Variants in CENPI observed in about 807,000 individuals in gnomAD.
The protein encoded by CENPI is centromere protein I, also known as FSH primary response 1.
CENPI carries 4 observed loss-of-function variants against 60.4 expected under a neutral mutation model. The ratio of observed to expected loss-of-function variants is 0.07; its 90% confidence interval spans 0.03 to 0.15. CENPI has a LOEUF of 0.15. Among genes scored for constraint, CENPI ranks in the 10% least tolerant of loss-of-function variants. The pLI is 1.00. For synonymous variants in CENPI, 157 were observed against 189.4 expected, an observed-to-expected ratio of 0.83 and a Z score of 1.40; for missense variants, 444 against 534.5, an observed-to-expected ratio of 0.83 and a Z score of 1.67.
At chrX:101,153,718 T>C (rs1293292813) in intron 20 of CENPI, among the ~76,000 whole-genome samples, 9 of 112,482 alleles carry the variant, frequency 8.0e-5, no homozygotes, top group Middle Eastern at 9.3e-3. Context: ...GTGGGTTGTC[T>C]TCACTTTTTT....
downstream of CENPI, among the ~76,000 whole-genome samples, chrX:101,169,546 T>C (rs1368502848): frequency 2.7e-5 from 3 of 112,641 alleles, no homozygotes; most frequent in Admixed American, 9.4e-5. Flanking sequence ...CAGCAGATTA[T>C]ACTTGATGAG....
intron 20 of CENPI, among the ~76,000 whole-genome samples, chrX:101,158,984 G>A (rs2090080190): frequency 9.0e-6 from 1 of 110,910 alleles, no homozygotes; most frequent in Non-Finnish European, 1.9e-5. Context: ...GAAGAGGCTC[G>A]AGTGGAAACA....
intron 20 of CENPI, among the ~76,000 whole-genome samples, chrX:101,151,299 A>G (rs1232708247): frequency 9.8e-5 from 11 of 111,707 alleles, no homozygotes; most frequent in African/African-American, 3.6e-4. Context: ...CTGTGCTCTG[A>G]ATTTAATTAC....
At chrX:101,123,153 G>A (rs905379799) in intron 8 of CENPI, among the ~76,000 whole-genome samples, 3 of 111,849 alleles carry the variant, frequency 2.7e-5, no homozygotes, top group African/African-American at 9.7e-5. Context: ...AACCAAGAAG[G>A]CATAGCTATG....
At chrX:101,110,562 G>C (rs2089543329) in intron 6 of CENPI, among the ~76,000 whole-genome samples, 1 of 112,283 alleles carries the variant, frequency 8.9e-6, no homozygotes, top group South Asian at 3.7e-4. Flanking sequence ...ACCATCAGTA[G>C]TTCACAGACC....
intron 6 of CENPI, among the ~76,000 whole-genome samples, chrX:101,115,229 G>T (rs763210448): frequency 2.7e-3 from 294 of 109,307 alleles, no homozygotes; most frequent in Admixed American, 4.8e-3. Context: ...CTCCCAAAGT[G>T]TTAGTATTAC....
At chrX:101,127,429 G>A in intron 10 of CENPI, 69 bp from the exon 11 acceptor site, 1 of 994,976 alleles carries the variant, frequency 1.0e-6, no homozygotes, top group Non-Finnish European at 1.4e-6. Context: ...CACCTTACCA[G>A]TTGCTTTTAT....
In CENPI at chrX:101,147,742, T is replaced by C. The variant is rs769399226; in HGVS notation, c.1827-21T>C. The C allele has an allele frequency of 3.4e-6, 4 of 1,168,052 alleles. No homozygotes were observed. The Admixed American group carries it at 9.1e-5, about 27-fold the overall frequency. On this transcript the variant is annotated intron_variant, in intron 18 of 21. Transcript: ENST00000682095. ...TTCAAAGGCATGTTAAATGTTTCATTCTGTTTGTTTTTTCTGTTAGATATC... is the reference window on the plus strand; with the variant it reads ...TTCAAAGGCATGTTAAATGTTTCATCCTGTTTGTTTTTTCTGTTAGATATC...
chrX:101,122,972 G>A (rs1206632647), intron 8 of CENPI, among the ~76,000 whole-genome samples: 1 of 112,507 alleles, frequency 8.9e-6, no homozygotes, highest in Non-Finnish European at 1.9e-5. Flanking sequence ...TGAGATGATT[G>A]TCTAAAAATT....
downstream of CENPI, among the ~76,000 whole-genome samples, chrX:101,169,222 G>A (rs979972267): frequency 9.0e-6 from 1 of 111,721 alleles, no homozygotes; most frequent in Non-Finnish European, 1.9e-5. Context: ...GAGAGAAGGG[G>A]ACAGAAAAAA....
At chrX:101,137,001 C>T (rs1299341536) in intron 15 of CENPI, among the ~76,000 whole-genome samples, 1 of 111,161 alleles carries the variant, frequency 9.0e-6, no homozygotes, top group African/African-American at 3.3e-5. Flanking sequence ...TAACCTTGAA[C>T]TCCTGGTCTC....
intron 20 of CENPI, among the ~76,000 whole-genome samples, chrX:101,158,342 A>G (rs1242884195): frequency 2.0e-5 from 2 of 99,469 alleles, no homozygotes; most frequent in Non-Finnish European, 4.0e-5. Flanking sequence ...CAATGGCGCA[A>G]TCTCCGCTCA....
intron 20 of CENPI, among the ~76,000 whole-genome samples, chrX:101,156,148 G>T (rs1462223036): frequency 9.0e-6 from 1 of 110,770 alleles, no homozygotes; most frequent in African/African-American, 3.3e-5. Context: ...GAGTAGCTGG[G>T]ATTACAGGCA....
At position 101,146,103 on chromosome X, in the gene CENPI, G is replaced by A. The variant is rs769222512; in HGVS notation, c.1702-50G>A. The A allele has an allele frequency of 4.5e-6, 5 of 1,101,497 alleles. No individual in the cohort carries two copies. In the South Asian group the frequency reaches 1.1e-4, roughly 24 times the overall value. 90.8% of individuals were successfully genotyped at this position (1,101,497 alleles called of 1,213,427 possible). ...TGATTCTTTGGGTGAACTTAGTTGA[G>A]GAGTTCTGGGGAATACTCTGTATAC... On this transcript the variant is annotated intron_variant, in intron 17 of 21. Coordinates refer to ENST00000682095, the MANE Select transcript of CENPI (RefSeq NM_001386188.2).
At chrX:101,115,402 G>C (rs1010566216) in intron 6 of CENPI, among the ~76,000 whole-genome samples, 2 of 109,205 alleles carry the variant, frequency 1.8e-5, no homozygotes, top group South Asian at 7.8e-4. Context: ...GCGAGACTCT[G>C]TCTCAAAAAA....
At position 101,164,923 on chromosome X, in the gene CENPI, C is replaced by T. The variant is rs765785237; in HGVS notation, c.*1956C>T. On this transcript the variant is annotated 3_prime_UTR_variant, in exon 22 of 22. Coordinates refer to ENST00000682095, the MANE Select transcript of CENPI (RefSeq NM_001386188.2). Reference sequence around the variant, plus strand: ...CTTTAGATAAGATGGTTTGGGAAAGCCTGTTTGAAGAGATGACATATGCAG... The same window carrying T: ...CTTTAGATAAGATGGTTTGGGAAAGTCTGTTTGAAGAGATGACATATGCAG... Among the ~76,000 whole-genome samples, 1 of 111,749 alleles carries T rather than the reference C, an allele frequency of 8.9e-6. No individual in the cohort carries two copies. The highest frequency in any genetic ancestry group is 1.9e-5 in the Non-Finnish European group (1 of 53,191).
At chrX:101,154,871 G>C (rs2090039334) in intron 20 of CENPI, among the ~76,000 whole-genome samples, 1 of 111,119 alleles carries the variant, frequency 9.0e-6, no homozygotes, top group Non-Finnish European at 1.9e-5. Flanking sequence ...ATTGCTTATT[G>C]CTATTATATA....
chrX:101,099,463 A>C (rs188598523), intron 2 of CENPI, among the ~76,000 whole-genome samples: 119 of 108,888 alleles, frequency 1.1e-3, no homozygotes, highest in African/African-American at 3.7e-3. Flanking sequence ...ATGTCTCACT[A>C]TGTTGCCCTC....
chrX:101,127,463 G>C (rs1411181769), intron 10 of CENPI, 35 bp from the exon 11 acceptor site: 6 of 1,100,803 alleles, frequency 5.5e-6, no homozygotes, highest in Non-Finnish European at 7.3e-6. Context: ...AGTCTGTTTA[G>C]TCCATTGATA....
Sources: gnomAD v4.1 joint callset for allele counts (sites outside exome capture counted in the v4.1 genomes callset) on GRCh38, gnomAD v4.1.1 for gene constraint, MANE v1.5 for transcripts, NCBI Gene and HGNC (gene_info 2026-07-23, HGNC 2026-07-21) for gene names.